The following SALL2 variants were observed in gnomAD, a reference collection of about 807,000 sequenced individuals.
SALL2 encodes spalt like transcription factor 2.
SALL2 carries 32 observed loss-of-function variants against 58.5 expected under a neutral mutation model. The ratio of observed to expected loss-of-function variants is 0.55; its 90% CI spans 0.41 to 0.74. The LOEUF is 0.74. SALL2 is among the 30% of genes least tolerant of loss of function. The pLI is 0.00. For missense variants in SALL2, 1,201 were observed against 1,268.9 expected, an observed-to-expected ratio of 0.95 and a Z score of 0.81; for synonymous variants, 516 against 513.6, an observed-to-expected ratio of 1.00 and a Z score of -0.06.
In SALL2 at chr14:21,524,790, A is replaced by G. The variant is rs1406607143; in HGVS notation, c.932T>C (p.Leu311Pro). The change falls in exon 2 of 2, where the codon CTG becomes CCG. Residue 311 changes from leucine to proline, a missense_variant. By Grantham distance (98) the Leu-to-Pro change is moderately conservative (BLOSUM62 -3). Coordinates refer to ENST00000537235, the MANE Select transcript of SALL2 (RefSeq NM_001364564.1). The stretch of plus-strand genomic sequence containing the variant: ...GAATGCCAGATGAGGCGAGGCAATC[A>G]GCTGATCTGTGCTGCCTGGCAAGGC... ...SPALPGSTDQLIASPHLAFPS... is the reference protein window; with the variant it reads ...SPALPGSTDQPIASPHLAFPS... 2.5e-6 allele frequency: 4 copies of G among 1,607,964 alleles called. No individual in the cohort carries two copies. In the Admixed American group the frequency reaches 6.7e-5, roughly 27 times the overall value.
At chr14:21,532,972 A>C (rs1566518885) in intron 1 of SALL2, among the ~76,000 whole-genome samples, 1 of 151,664 alleles carries the variant, frequency 6.6e-6, no homozygotes, top group African/African-American at 2.4e-5. Context: ...CAAAATAATA[A>C]AAATAAATAA....
At position 21,525,638 on chromosome 14, in the gene SALL2, C is replaced by T. The variant is rs1892272230; in HGVS notation, c.84G>A (p.Glu28=). ...PAELGGDASE[E]DHPQVCAKCC... is the part of the protein sequence containing the mutation. The stretch of plus-strand genomic sequence containing the variant: ...ACTTGGCACAGACTTGGGGGTGATC[C>T]TCCTCGCTAGCATCACCTGGGGAGA... The change falls in exon 2 of 2, where the codon GAG becomes GAA. Residue 28 remains glutamate (E), a synonymous_variant. Coordinates refer to ENST00000537235, the MANE Select transcript of SALL2 (RefSeq NM_001364564.1). The surrounding 1 kb of genome is among the most constrained non-coding windows in gnomAD (Gnocchi z 4.4). The T allele has an allele frequency of 6.3e-7, 1 of 1,578,428 alleles. No individual in the cohort carries two copies. The highest frequency in any genetic ancestry group is 1.3e-5 in the African/African-American group (1 of 74,318).
upstream of SALL2, among the ~76,000 whole-genome samples, chr14:21,527,518 G>A (rs913155054): frequency 3.3e-5 from 5 of 152,126 alleles, no homozygotes; most frequent in Admixed American, 6.5e-5. Context: ...AACCTAAATT[G>A]TTTTAATCCC....
chr14:21,529,759 A>G (rs893633125), upstream of SALL2, among the ~76,000 whole-genome samples: 2 of 152,160 alleles, frequency 1.3e-5, no homozygotes, highest in African/African-American at 4.8e-5. Context: ...ACCAGCCTGC[A>G]TAACATAGTG....
Position 21,523,809 on chromosome 14 carries a change from A to G in SALL2, c.1913T>C (p.Leu638Pro), listed in dbSNP as rs1309322717. 1 of 1,614,224 alleles carries G rather than the reference A, an allele frequency of 6.2e-7. No homozygotes were observed. The highest frequency in any genetic ancestry group is 1.7e-5 in the Admixed American group (1 of 60,028). The change falls in exon 2 of 2, where the codon CTT becomes CCT. Residue 638 changes from leucine to proline, a missense_variant. By Grantham distance (98) the Leu-to-Pro change is moderately conservative. Transcript: ENST00000537235. This position sits in a 1 kb window ranked among gnomAD's most constrained non-coding sequence, Gnocchi z 4.4. ...PNQCVICLRV[L>P]SCPRALRLHY... Reference sequence around the variant, plus strand: ...AAGGCGTAGGGCCCGAGGACAGCTAAGCACTCGGAGACAGATGACACACTG... The same window carrying G: ...AAGGCGTAGGGCCCGAGGACAGCTAGGCACTCGGAGACAGATGACACACTG...
rs774143966 is a variant in SALL2 at position 21,525,630 on chromosome 14, G to T, written c.92C>A (p.Pro31His). ...LGGDASEEDHPQVCAKCCAQF... is the reference protein window; with the variant it reads ...LGGDASEEDHHQVCAKCCAQF... ...TGCGCAGCACTTGGCACAGACTTGG[G>T]GGTGATCCTCCTCGCTAGCATCACC... The change falls in exon 2 of 2, where the codon CCC (proline) becomes CAC (histidine). Residue 31 changes from proline to histidine, a missense_variant. Coordinates refer to ENST00000537235, the MANE Select transcript of SALL2 (RefSeq NM_001364564.1). The surrounding 1 kb of genome is among the most constrained non-coding windows in gnomAD (Gnocchi z 4.4). 1 of 1,588,482 alleles carries T rather than the reference G, an allele frequency of 6.3e-7. No homozygotes were observed. Among genetic ancestry groups the T allele is most frequent in the South Asian group, 1.2e-5 (1 of 86,940 alleles).
chr14:21,526,542 T>G, upstream of SALL2: 10 of 1,098,904 alleles, frequency 9.1e-6, no homozygotes, highest in South Asian at 2.3e-4. Flanking sequence ...CCTGGCCAGC[T>G]CCCCCCATCT....
chr14:21,523,704 C>G lies in SALL2; in HGVS notation c.2018G>C (p.Arg673Pro). The change falls in exon 2 of 2, where the codon CGT becomes CCT. Residue 673 changes from arginine to proline, a missense_variant. By Grantham distance (103) the Arg-to-Pro change is moderately radical. Transcript: ENST00000537235. This position sits in a 1 kb window ranked among gnomAD's most constrained non-coding sequence, Gnocchi z 4.4. ...GGCCTTGTGGCCCACGAAATGTGCA[C>G]GCAGATTACCCCTGGTGGAGAAGGC... is the stretch of plus-strand genomic sequence containing the variant. ...GRAFSTRGNL[R>P]AHFVGHKASP... 6.2e-7 allele frequency: 1 copy of G among 1,614,188 alleles called. No homozygotes were observed. Among genetic ancestry groups the G allele is most frequent in the Non-Finnish European group, 8.5e-7 (1 of 1,180,026 alleles).
chr14:21,529,842 G>A (rs1892412074), upstream of SALL2, among the ~76,000 whole-genome samples: 1 of 152,064 alleles, frequency 6.6e-6, no homozygotes, highest in Non-Finnish European at 1.5e-5. Context: ...CCACATCCCA[G>A]GCTAATTAAT....
At position 21,525,161 on chromosome 14, in the gene SALL2, C is replaced by T. The variant is rs969482556; in HGVS notation, c.561G>A (p.Leu187=). Residue 187 remains leucine (L), a synonymous_variant, in exon 2 of 2, where the codon CTG becomes CTA. Transcript: ENST00000537235. This position sits in a 1 kb window ranked among gnomAD's most constrained non-coding sequence, Gnocchi z 4.4. ...GCATCTGATGGATCTGCCGCTGCTG[C>T]AGCACCCGTAGCTCTTCCAAGATCA... ...IPLILEELRV[L]QQRQIHQMQM... 4.3e-6 allele frequency: 7 copies of T among 1,613,940 alleles called. No homozygotes were observed. In the African/African-American group the frequency reaches 8.0e-5, roughly 18 times the overall value.
rs576985829 is a variant in SALL2 at position 21,522,069 on chromosome 14, A to AG, written c.*634dup. On this transcript the variant is annotated 3_prime_UTR_variant, in exon 2 of 2. Coordinates refer to ENST00000537235, the MANE Select transcript of SALL2 (RefSeq NM_001364564.1). The stretch of plus-strand genomic sequence containing the variant: ...CTTGGGTGCAGGAGGCTGAAATAGG[A>AG]GGGGGGCTGTCTTCTCCTTGGCTTC... 1.6e-5 allele frequency: 26 copies of AG among 1,597,304 alleles called. No homozygotes were observed. The highest frequency in any genetic ancestry group is 5.3e-5 in the African/African-American group (4 of 74,844).
In SALL2 at chr14:21,525,257, G is replaced by T. The variant is rs751697279; in HGVS notation, c.465C>A (p.Thr155=). The T allele has an allele frequency of 3.7e-6, 6 of 1,611,918 alleles. No homozygotes were observed. The South Asian group carries it at 6.6e-5, about 18-fold the overall frequency. The change falls in exon 2 of 2, where the codon ACC becomes ACA. Residue 155 remains threonine (T), a synonymous_variant. Transcript: ENST00000537235. This position sits in a 1 kb window ranked among gnomAD's most constrained non-coding sequence, Gnocchi z 4.4. The part of the protein sequence containing the change: ...LGATPLPPES[T]PAPPPPPPPP... ...GTGGTGGAGGAGGAGGGGGTGCAGG[G>T]GTCGATTCTGGAGGTAATGGGGTTG...
In SALL2 at chr14:21,522,950, C is replaced by CA; in HGVS notation, c.2771dup (p.Glu925GlyfsTer25). ...TGGGGTGGGTCTTCTGATGCTCCTC[C>CA]AGAGCTGCCTGGGAGGGAAAGGCCT... On this transcript the variant is annotated frameshift_variant, in exon 2 of 2. Coordinates refer to ENST00000537235, the MANE Select transcript of SALL2 (RefSeq NM_001364564.1). LOFTEE classifies it high-confidence loss of function. The CA allele has an allele frequency of 6.2e-7, 1 of 1,614,088 alleles. No individual in the cohort carries two copies. The highest frequency in any genetic ancestry group is 8.5e-7 in the Non-Finnish European group (1 of 1,180,008).
Position 21,525,565 on chromosome 14 carries a change from C to A in SALL2, c.157G>T (p.Ala53Ser), listed in dbSNP as rs1397045564. Residue 53 changes from alanine to serine, a missense_variant, in exon 2 of 2, where the codon GCA becomes TCA. Physicochemically the swap from Ala to Ser is moderately conservative, Grantham distance 99. Coordinates refer to ENST00000537235, the MANE Select transcript of SALL2 (RefSeq NM_001364564.1). This position sits in a 1 kb window ranked among gnomAD's most constrained non-coding sequence, Gnocchi z 4.4. ...ATTACAGGAGGGTCAGTAGAACATGCGTTCTGGTGGGCGAGGAATTCAGTT... is the reference window on the plus strand; with the variant it reads ...ATTACAGGAGGGTCAGTAGAACATGAGTTCTGGTGGGCGAGGAATTCAGTT... ...DPTEFLAHQN[A>S]CSTDPPVMVI... 1.9e-6 allele frequency: 3 copies of A among 1,613,408 alleles called. No individual in the cohort carries two copies. Among genetic ancestry groups the A allele is most frequent in the Non-Finnish European group, 2.5e-6 (3 of 1,179,754 alleles).
chr14:21,531,484 G>A (rs575318593), intron 1 of SALL2, among the ~76,000 whole-genome samples: 2 of 151,870 alleles, frequency 1.3e-5, no homozygotes, highest in Admixed American at 6.6e-5. Context: ...TTAGCTCACC[G>A]CAACCTCCGC....
At chr14:21,526,002 C>A in intron 1 of SALL2, 59 bp downstream of exon 1, 1 of 1,173,072 alleles carries the variant, frequency 8.5e-7, no homozygotes. Flanking sequence ...AAGTCTTCGC[C>A]GCCCCTGCGC....
At chr14:21,530,028 T>G (rs2139679844), upstream of SALL2, among the ~76,000 whole-genome samples, 1 of 152,254 alleles carries the variant, frequency 6.6e-6, no homozygotes, top group East Asian at 1.9e-4. Context: ...TGGCCACAAT[T>G]GGGACACAGA....
At chr14:21,526,014 T>TCCCCCCCCCCCC in intron 1 of SALL2, 47 bp downstream of exon 1, 1 of 1,041,062 alleles carries the variant, frequency 9.6e-7, no homozygotes, top group Non-Finnish European at 1.4e-6. Flanking sequence ...CCCCTGCGCA[T>TCCCCCCCCCCCC]CCCCCTCCGC....
rs1892074320 is a variant in SALL2 at position 21,522,412 on chromosome 14, G to C, written c.*292C>G. 1 of 1,412,302 alleles carries C rather than the reference G, an allele frequency of 7.1e-7. No homozygotes were observed. The highest frequency in any genetic ancestry group is 9.2e-7 in the Non-Finnish European group (1 of 1,086,300). 87.5% of individuals were successfully genotyped at this position (1,412,302 alleles called of 1,614,324 possible). A position where few individuals can be genotyped will look rare whatever the true frequency, so the allele number is the denominator to read the frequency against. On this transcript the variant is annotated 3_prime_UTR_variant, in exon 2 of 2. Coordinates refer to ENST00000537235, the MANE Select transcript of SALL2 (RefSeq NM_001364564.1). Reference sequence around the variant, plus strand: ...AGGGAAAGGGAGAGGAGAGAGGAGGGGGAAGAAGGGTCACACCAGGGAAGC... The same window carrying C: ...AGGGAAAGGGAGAGGAGAGAGGAGGCGGAAGAAGGGTCACACCAGGGAAGC...
Sources: gnomAD v4.1 joint callset for allele counts (sites outside exome capture counted in the v4.1 genomes callset) on GRCh38, gnomAD v4.1.1 for gene constraint, Gnocchi (gnomAD v3.1) non-coding constraint, MANE v1.5 for transcripts, NCBI Gene and HGNC (gene_info 2026-07-23, HGNC 2026-07-21) for gene names.